The following CDKN2B variants were observed in gnomAD, a reference collection of about 807,000 sequenced individuals.
CDKN2B encodes the protein cyclin dependent kinase inhibitor 2B, also known as cyclin-dependent kinase 4 inhibitor B.
In CDKN2B, 8 loss-of-function variants were observed where a neutral mutation model predicts 7.7. That is an observed-to-expected ratio of 1.04 (90% confidence interval 0.61 to 1.87). The LOEUF (loss-of-function observed/expected upper bound fraction) is 1.87. Among genes scored for constraint, CDKN2B ranks in the 40% most tolerant of loss-of-function variants. The pLI is 0.00. For synonymous variants in CDKN2B, 93 were observed against 95.8 expected (o/e 0.97, Z 0.17); for missense variants, 244 against 213.1 (o/e 1.15, Z -0.90).
rs1477459282 is a variant in CDKN2B, at chr9:22,004,320, T to A, written c.*1667A>T. 1 of 232,290 alleles carries A rather than the reference T, an allele frequency of 4.3e-6. No homozygotes were observed. Among genetic ancestry groups the A allele is most frequent in the Non-Finnish European group, 8.5e-6 (1 of 117,550 alleles). 14.4% of individuals were successfully genotyped at this position (232,290 alleles called of 1,614,324 possible). A position where few individuals can be genotyped will look rare whatever the true frequency, so the allele number is the denominator to read the frequency against. On this transcript the variant is annotated 3_prime_UTR_variant, in exon 2 of 2. Transcript: ENST00000276925. Reference sequence around the variant, plus strand: ...CCACTCTCAAATGACTTGTTTCTGTTCCTTTTTTCTCTTTTAAATGTGTAT... The same window carrying A: ...CCACTCTCAAATGACTTGTTTCTGTACCTTTTTTCTCTTTTAAATGTGTAT...
At chr9:22,008,748 G>T (rs1440269017) in intron 1 of CDKN2B, 50 bp downstream of exon 1, 1 of 1,610,374 alleles carries the variant, frequency 6.2e-7, no homozygotes. Context: ...CCGAGGCCGC[G>T]CCCCGCGTTC....
In CDKN2B at chr9:22,002,964, T is replaced by A. The variant is rs1036450898; in HGVS notation, c.*3023A>T. On this transcript the variant is annotated 3_prime_UTR_variant, in exon 2 of 2. Coordinates refer to ENST00000276925, the MANE Select transcript of CDKN2B (RefSeq NM_004936.4). ...TCTTCTTGGAATAAATGTCAGGTAG[T>A]AGAATTTGTACAAACCTTGGTAATG... 1.0e-5 allele frequency: 2 copies of A among 196,406 alleles called. No homozygotes were observed. The highest frequency in any genetic ancestry group is 6.1e-5 in the Admixed American group (1 of 16,470). The allele number at this position is 196,406 out of a possible 1,614,324, so 12.2% of individuals were successfully genotyped here.
At position 22,009,011 on chromosome 9, in the gene CDKN2B, C is replaced by T. The variant is rs772097155; in HGVS notation, c.-58G>A. On this transcript the variant is annotated 5_prime_UTR_variant, in exon 1 of 2. Transcript: ENST00000276925. ...AATCCACCGTTGGCCGTAAACTTAA[C>T]GACACTCTTCCCTTCTTTCCCACGC... The T allele has an allele frequency of 1.8e-5, 29 of 1,610,314 alleles. No homozygotes were observed. The highest frequency in any genetic ancestry group is 2.4e-5 in the Non-Finnish European group (28 of 1,177,158).
rs1026339461 is a variant in CDKN2B, at chr9:22,003,066, G to A, written c.*2921C>T. 1.4e-5 allele frequency: 3 copies of A among 212,726 alleles called. No homozygotes were observed. Among genetic ancestry groups the A allele is most frequent in the Admixed American group, 1.2e-4 (2 of 17,070 alleles). 13.2% of individuals were successfully genotyped at this position (212,726 alleles called of 1,614,324 possible). A position where few individuals can be genotyped will look rare whatever the true frequency, so the allele number is the denominator to read the frequency against. The stretch of plus-strand genomic sequence containing the variant: ...CAATGGAGCTAGAAGCAGGACTCAT[G>A]AAAATAGTAACTATATGTTTTGCAT... On this transcript the variant is annotated 3_prime_UTR_variant, in exon 2 of 2. Coordinates refer to ENST00000276925, the MANE Select transcript of CDKN2B (RefSeq NM_004936.4).
Position 22,003,862 on chromosome 9 carries a change from A to C in CDKN2B, c.*2125T>G. 1 of 232,346 alleles carries C rather than the reference A, an allele frequency of 4.3e-6. No homozygotes were observed. Among genetic ancestry groups the C allele is most frequent in the Non-Finnish European group, 8.5e-6 (1 of 117,580 alleles). The allele number at this position is 232,346 out of a possible 1,614,324, so 14.4% of individuals were successfully genotyped here. On this transcript the variant is annotated 3_prime_UTR_variant, in exon 2 of 2. Transcript: ENST00000276925. ...GCCACCTTAGGAGCTTACAAGGGAG[A>C]TCATTGTGTATTTCTGCTTTTTTTT...
chr9:22,009,051 C>G lies in CDKN2B; in HGVS notation c.-98G>C, dbSNP rs958270035. 18 of 1,566,730 alleles carry G rather than the reference C, an allele frequency of 1.1e-5. No homozygotes were observed. The highest frequency in any genetic ancestry group is 4.5e-5 in the East Asian group (2 of 44,516). ...CTTTCCCACGCTGCTCCGGCGCACTCTCTCCTTCCTAGGAGACCTGGGCTC... is the reference window on the plus strand; with the variant it reads ...CTTTCCCACGCTGCTCCGGCGCACTGTCTCCTTCCTAGGAGACCTGGGCTC... On this transcript the variant is annotated 5_prime_UTR_variant, in exon 1 of 2. Transcript: ENST00000276925.
At position 22,005,770 on chromosome 9, in the gene CDKN2B, C is replaced by T; in HGVS notation, c.*217G>A. ...CCTGGAAATCCGCTTCTCTGTGTTT[C>T]GCTTCATGGTGAGTGTCGAGGGCCA... On this transcript the variant is annotated 3_prime_UTR_variant, in exon 2 of 2. Transcript: ENST00000276925. This position sits in a 1 kb window ranked among gnomAD's most constrained non-coding sequence, Gnocchi z 4.9. The T allele has an allele frequency of 1.6e-6, 1 of 625,682 alleles. No individual in the cohort carries two copies. Among genetic ancestry groups the T allele is most frequent in the Non-Finnish European group, 2.8e-6 (1 of 356,806 alleles). The allele number at this position is 625,682 out of a possible 1,614,324, so 38.8% of individuals were successfully genotyped here.
rs1821373277 is a variant in CDKN2B at position 22,009,294 on chromosome 9, C to T, written c.-341G>A. 2.2e-6 allele frequency: 1 copy of T among 461,138 alleles called. No individual in the cohort carries two copies. The highest frequency in any genetic ancestry group is 2.5e-5 in the South Asian group (1 of 39,504). 28.6% of individuals were successfully genotyped at this position (461,138 alleles called of 1,614,324 possible). On this transcript the variant is annotated 5_prime_UTR_variant, in exon 1 of 2. Coordinates refer to ENST00000276925, the MANE Select transcript of CDKN2B (RefSeq NM_004936.4). ...GCGGAGTCCTCACTGCCCCGCCTCG[C>T]TCTGGCAGAGTGGGGAGCCAGCCGG...
Position 22,007,690 on chromosome 9 carries a change from G to C in CDKN2B, c.156+1108C>G, listed in dbSNP as rs542191987. ...TTTCATCTCTTAAAAACCGTGATAA[G>C]TTATATCTACTAGTGATGTAAGGAT... is the stretch of plus-strand genomic sequence containing the variant. On this transcript the variant is annotated intron_variant, in intron 1 of 1. Transcript: ENST00000276925. Among the ~76,000 whole-genome samples, 5 of 152,096 alleles carry C rather than the reference G, an allele frequency of 3.3e-5. No homozygotes were observed. In the South Asian group the frequency reaches 1.0e-3, roughly 32 times the overall value.
At position 22,006,157 on chromosome 9, in the gene CDKN2B, G is replaced by C. The variant is rs773400600; in HGVS notation, c.247C>G (p.Pro83Ala). The change falls in exon 2 of 2, where the codon CCG becomes GCG. Residue 83 changes from proline (P) to alanine (A), a missense_variant. Transcript: ENST00000276925. This position sits in a 1 kb window ranked among gnomAD's most constrained non-coding sequence, Gnocchi z 6.4. ...NCADPATLTR[P>A]VHDAAREGFL... ...CCCTCCCGGGCAGCATCATGCACCG[G>C]TCGGGTGAGAGTGGCAGGGTCTGCG... is the stretch of plus-strand genomic sequence containing the variant. 4 of 1,611,680 alleles carry C rather than the reference G, an allele frequency of 2.5e-6. No individual in the cohort carries two copies. Among genetic ancestry groups the C allele is most frequent in the South Asian group, 2.2e-5 (2 of 91,052 alleles).
rs2131180882 is a variant in CDKN2B, at chr9:22,006,097, C to T, written c.307G>A (p.Gly103Arg). 6.2e-7 allele frequency: 1 copy of T among 1,609,008 alleles called. No homozygotes were observed. Among genetic ancestry groups the T allele is most frequent in the Non-Finnish European group, 8.5e-7 (1 of 1,179,736 alleles). The change falls in exon 2 of 2, where the codon GGG becomes AGG. Residue 103 changes from glycine (G) to arginine (R), a missense_variant. Coordinates refer to ENST00000276925, the MANE Select transcript of CDKN2B (RefSeq NM_004936.4). The surrounding 1 kb of genome is among the most constrained non-coding windows in gnomAD (Gnocchi z 6.4). ...GCATCGCGCACGTCCAGCCGCGCCC[C>T]GGCCCGGTGCAGCACCACCAGCGTG... ...LDTLVVLHRA[G>R]ARLDVRDAWG... is the part of the protein sequence containing the mutation.
At position 22,004,275 on chromosome 9, in the gene CDKN2B, G is replaced by A. The variant is rs900591075; in HGVS notation, c.*1712C>T. 1 of 232,312 alleles carries A rather than the reference G, an allele frequency of 4.3e-6. No individual in the cohort carries two copies. Among genetic ancestry groups the A allele is most frequent in the African/African-American group, 2.2e-5 (1 of 45,328 alleles). The allele number at this position is 232,312 out of a possible 1,614,324, so 14.4% of individuals were successfully genotyped here. On this transcript the variant is annotated 3_prime_UTR_variant, in exon 2 of 2. Coordinates refer to ENST00000276925, the MANE Select transcript of CDKN2B (RefSeq NM_004936.4). Reference sequence around the variant, plus strand: ...AAAGATTTGTGTATTCAACTCAAATGTACTCCTTCTTATAAGTCTCCACTC... The same window carrying A: ...AAAGATTTGTGTATTCAACTCAAATATACTCCTTCTTATAAGTCTCCACTC...
In CDKN2B at chr9:22,006,315, G is replaced by C. The variant is rs1007263689; in HGVS notation, c.157-68C>G. ...GTATGGGAGATGCCGGCCGGGGCAAGGCAGGTGGAGCCATTTAAAGAAACA... is the reference window on the plus strand; with the variant it reads ...GTATGGGAGATGCCGGCCGGGGCAACGCAGGTGGAGCCATTTAAAGAAACA... On this transcript the variant is annotated intron_variant, in intron 1 of 1. Transcript: ENST00000276925. The surrounding 1 kb of genome is among the most constrained non-coding windows in gnomAD (Gnocchi z 6.4). The C allele has an allele frequency of 1.9e-6, 3 of 1,591,134 alleles. No individual in the cohort carries two copies. The South Asian group carries it at 3.3e-5, about 18-fold the overall frequency.
chr9:22,008,742 G>A (rs1441844928), intron 1 of CDKN2B, 56 bp downstream of exon 1: 1 of 1,610,706 alleles, frequency 6.2e-7, no homozygotes, highest in Admixed American at 1.7e-5. Context: ...GATCCGCCGA[G>A]GCCGCGCCCC....
At chr9:22,008,481 C>T (rs1219130669) in intron 1 of CDKN2B, among the ~76,000 whole-genome samples, 1 of 152,190 alleles carries the variant, frequency 6.6e-6, no homozygotes, top group African/African-American at 2.4e-5. Context: ...TGAAAGCAGA[C>T]AGACAAGATA....
In CDKN2B at chr9:22,009,155, CT is replaced by C; in HGVS notation, c.-203del. 1.4e-6 allele frequency: 1 copy of C among 690,184 alleles called. No individual in the cohort carries two copies. The allele number at this position is 690,184 out of a possible 1,614,324, so 42.8% of individuals were successfully genotyped here. ...CGAGCGGCCGGTCGTTAGCTCCGGG[CT>C]TTTCCTGGCGCTCAAGAACCAGCGG... On this transcript the variant is annotated 5_prime_UTR_variant, in exon 1 of 2. Coordinates refer to ENST00000276925, the MANE Select transcript of CDKN2B (RefSeq NM_004936.4).
At position 22,008,813 on chromosome 9, in the gene CDKN2B, C is replaced by T; in HGVS notation, c.141G>A (p.Gly47=). ...CCCCAGCTACCTGGATCGCGCGCCT[C>T]CCGAAACGGTTGACTCCGTTGGGAT... ...GADPNGVNRF[G]RRAIQVMMMG... is the part of the protein sequence containing the mutation. Residue 47 remains glycine (G), a synonymous_variant, in exon 1 of 2, where the codon GGG becomes GGA. Transcript: ENST00000276925. 6.2e-7 allele frequency: 1 copy of T among 1,606,016 alleles called. No individual in the cohort carries two copies. The highest frequency in any genetic ancestry group is 8.5e-7 in the Non-Finnish European group (1 of 1,176,222).
rs995112848 is a variant in CDKN2B at position 22,004,709 on chromosome 9, A to G, written c.*1278T>C. 1.3e-5 allele frequency: 3 copies of G among 232,800 alleles called. No homozygotes were observed. Among genetic ancestry groups the G allele is most frequent in the Non-Finnish European group, 2.5e-5 (3 of 117,892 alleles). 14.4% of individuals were successfully genotyped at this position (232,800 alleles called of 1,614,324 possible). On this transcript the variant is annotated 3_prime_UTR_variant, in exon 2 of 2. Coordinates refer to ENST00000276925, the MANE Select transcript of CDKN2B (RefSeq NM_004936.4). ...AGTAGGACATCCCACGAGCCATCATATATTTTCAAGTTTTTATACTCAATC... is the reference window on the plus strand; with the variant it reads ...AGTAGGACATCCCACGAGCCATCATGTATTTTCAAGTTTTTATACTCAATC...
Position 22,009,068 on chromosome 9 carries a change from C to A in CDKN2B, c.-115G>T. ...GGCGCACTCTCTCCTTCCTAGGAGA[C>A]CTGGGCTCAGCTTCATTACCCTCCC... On this transcript the variant is annotated 5_prime_UTR_variant, in exon 1 of 2. Coordinates refer to ENST00000276925, the MANE Select transcript of CDKN2B (RefSeq NM_004936.4). 1 of 1,475,934 alleles carries A rather than the reference C, an allele frequency of 6.8e-7. No homozygotes were observed. Among genetic ancestry groups the A allele is most frequent in the Non-Finnish European group, 9.4e-7 (1 of 1,062,540 alleles). The allele number at this position is 1,475,934 out of a possible 1,614,324, so 91.4% of individuals were successfully genotyped here. A position where few individuals can be genotyped will look rare whatever the true frequency, so the allele number is the denominator to read the frequency against.
Sources: gnomAD v4.1 joint callset for allele counts (sites outside exome capture counted in the v4.1 genomes callset) on GRCh38, gnomAD v4.1.1 for gene constraint, Gnocchi (gnomAD v3.1) non-coding constraint, MANE v1.5 for transcripts, NCBI Gene and HGNC (gene_info 2026-07-23, HGNC 2026-07-21) for gene names.